NAV1: variants seen among roughly 807,000 people sequenced by gnomAD.
The protein encoded by NAV1 is pore membrane and/or filament interacting like protein 3.
In NAV1, 18 loss-of-function variants were observed where a neutral mutation model predicts 175.2. That is an observed-to-expected ratio of 0.10 (90% CI 0.07 to 0.15). The LOEUF (loss-of-function observed/expected upper bound fraction) is 0.15. Among genes scored for constraint, NAV1 ranks in the 10% least tolerant of loss-of-function variants. NAV1 has a pLI of 1.00. For missense variants in NAV1, 1,731 were observed against 2,436.6 expected (o/e 0.71, Z 6.10); for synonymous variants, 897 against 978.7 (o/e 0.92, Z 1.56).
At chr1:201,725,497 G>C (rs1226011352) in intron 3 of NAV1, among the ~76,000 whole-genome samples, 1 of 152,008 alleles carries the variant, frequency 6.6e-6, no homozygotes, top group African/African-American at 2.4e-5. Context: ...GATACCCTGG[G>C]CATGGCAGCA....
At chr1:201,668,152 A>T (rs1309777018) in intron 1 of NAV1, among the ~76,000 whole-genome samples, 1 of 152,148 alleles carries the variant, frequency 6.6e-6, no homozygotes, top group Non-Finnish European at 1.5e-5. Context: ...ATGAAGTCAT[A>T]TCTGCCAAAG....
At chr1:201,802,457 T>TTAA (rs1553278312) in intron 15 of NAV1, among the ~76,000 whole-genome samples, 1 of 101,086 alleles carries the variant, frequency 9.9e-6, no homozygotes, top group African/African-American at 4.1e-5. Context: ...CCTGTCTCAT[T>TTAA]AAAAAAAAAA....
intron 3 of NAV1, among the ~76,000 whole-genome samples, chr1:201,726,841 T>G (rs562730878): frequency 6.6e-6 from 1 of 152,198 alleles, no homozygotes; most frequent in Non-Finnish European, 1.5e-5. Flanking sequence ...ACGGTCTTGA[T>G]ATTCTTTTAA....
intron 2 of NAV1, among the ~76,000 whole-genome samples, chr1:201,603,043 C>T (rs964200802): frequency 1.3e-5 from 2 of 152,192 alleles, no homozygotes; most frequent in African/African-American, 4.8e-5. Context: ...GTGTGAGTCA[C>T]TGCTCTCCTG....
At chr1:201,655,925 G>A (rs998216329) in intron 1 of NAV1, among the ~76,000 whole-genome samples, 8 of 152,200 alleles carry the variant, frequency 5.3e-5, no homozygotes, top group African/African-American at 1.9e-4. Context: ...CATTAGGGGA[G>A]AATGAGGACC....
At chr1:201,670,543 C>T (rs891016686) in intron 1 of NAV1, among the ~76,000 whole-genome samples, 3 of 151,060 alleles carry the variant, frequency 2.0e-5, no homozygotes, top group Non-Finnish European at 4.4e-5. Context: ...GTGATGGTGG[C>T]AGTGATGGTG....
At chr1:201,673,572 C>T (rs1360128475) in intron 1 of NAV1, among the ~76,000 whole-genome samples, 1 of 152,208 alleles carries the variant, frequency 6.6e-6, no homozygotes, top group Non-Finnish European at 1.5e-5. Context: ...CCCTCTGCAT[C>T]CTCAGCTAAG....
At chr1:201,611,439 C>A (rs1667842192) in intron 2 of NAV1, among the ~76,000 whole-genome samples, 1 of 152,180 alleles carries the variant, frequency 6.6e-6, no homozygotes, top group South Asian at 2.1e-4. Context: ...CTATTGCAGT[C>A]CTGTCCCCAG....
intron 22 of NAV1, 126 bp from the exon 27 acceptor site, chr1:201,809,820 C>G: frequency 3.1e-6 from 3 of 969,482 alleles, no homozygotes; most frequent in Non-Finnish European, 3.0e-6. Flanking sequence ...GAAATGCTAC[C>G]TAGGAAAAGC....
At chr1:201,639,859 G>A in intron 2 of NAV1, among the ~76,000 whole-genome samples, 1 of 152,190 alleles carries the variant, frequency 6.6e-6, no homozygotes, top group Non-Finnish European at 1.5e-5. Context: ...TGTGTGACTA[G>A]AGGTGACTTG....
chr1:201,808,944 CT>C lies in NAV1; in HGVS notation c.4207+75del. On this transcript the variant is annotated intron_variant, in intron 20 of 29. Coordinates refer to ENST00000367296, the Ensembl canonical transcript of NAV1. The surrounding 1 kb of genome is among the most constrained non-coding windows in gnomAD (Gnocchi z 5.5). ...CTTATTTCACTGTTACACCATTCCA[CT>C]TGCTTTGGTCAGGGCGGTAACAATG... The C allele has an allele frequency of 6.5e-7, 1 of 1,538,696 alleles. No individual in the cohort carries two copies. The highest frequency in any genetic ancestry group is 8.8e-7 in the Non-Finnish European group (1 of 1,135,404).
At chr1:201,738,093 A>G (rs920634629) in intron 3 of NAV1, among the ~76,000 whole-genome samples, 1 of 151,998 alleles carries the variant, frequency 6.6e-6, no homozygotes, top group Non-Finnish European at 1.5e-5. Flanking sequence ...AGAATATGTG[A>G]GAGAGAACCG....
chr1:201,811,683 A>G (rs1678699645), exon 25 of NAV1: 2 of 1,613,838 alleles, frequency 1.2e-6, no homozygotes, highest in Non-Finnish European at 1.7e-6. Flanking sequence ...TGGTGATTCT[A>G]TTGGATGACC....
intron 1 of NAV1, chr1:201,673,197 C>T (rs1670110901): frequency 6.6e-6 from 1 of 152,204 alleles, no homozygotes; most frequent in Non-Finnish European, 1.5e-5. Context: ...AATGTGTCTC[C>T]GCATTTGATG....
intron 15 of NAV1, among the ~76,000 whole-genome samples, chr1:201,801,421 C>G (rs1677859744): frequency 1.3e-5 from 2 of 152,320 alleles, no homozygotes; most frequent in South Asian, 4.1e-4. Context: ...TACTACTCCC[C>G]TTCCTCTAGT....
intron 7 of NAV1, 44 bp from the exon 12 acceptor site, chr1:201,785,266 G>A (rs757933019): frequency 1.9e-6 from 3 of 1,570,636 alleles, no homozygotes; most frequent in Non-Finnish European, 2.6e-6. Flanking sequence ...GGACCCACAT[G>A]CTTCTCTCTC....
chr1:201,710,304 T>G (rs76522765), intron 1 of NAV1, among the ~76,000 whole-genome samples: 1 of 152,176 alleles, frequency 6.6e-6, no homozygotes, highest in East Asian at 1.9e-4. Flanking sequence ...TTTTTTTTTT[T>G]GAAACAGGGT....
At chr1:201,661,826 G>A (rs970381416) in intron 1 of NAV1, among the ~76,000 whole-genome samples, 1 of 152,128 alleles carries the variant, frequency 6.6e-6, no homozygotes, top group Non-Finnish European at 1.5e-5. Flanking sequence ...TGCATCTAGC[G>A]GAGAAGTTAG....
chr1:201,652,143 A>G (rs1669227754), intron 1 of NAV1, among the ~76,000 whole-genome samples: 1 of 151,728 alleles, frequency 6.6e-6, no homozygotes, highest in East Asian at 1.9e-4. Flanking sequence ...ATTGTGATTG[A>G]AGACACTGGG....
Sources: allele counts gnomAD v4.1 joint callset (sites outside exome capture counted in the v4.1 genomes callset), GRCh38; gene constraint gnomAD v4.1.1; non-coding constraint Gnocchi (gnomAD v3.1); transcripts MANE v1.5; gene names NCBI Gene and HGNC (gene_info 2026-07-23, HGNC 2026-07-21).